The following GID4 variants were observed in gnomAD, a reference collection of about 807,000 sequenced individuals.
GID4 encodes glucose-induced degradation protein 4 homolog.
In GID4, 7 loss-of-function variants were observed where a neutral mutation model predicts 32.4. That is an observed-to-expected ratio of 0.22 (90% CI 0.12 to 0.41). The LOEUF is 0.41. GID4 is among the 10% of genes least tolerant of loss of function. The probability of loss-of-function intolerance (pLI) is 1.00; values close to 1 mark genes in which losing one functional copy is unlikely to be tolerated. For synonymous variants in GID4, 166 were observed against 170.0 expected (o/e 0.98, Z 0.18); for missense variants, 309 against 400.0 (o/e 0.77, Z 1.94).
intron 3 of GID4, among the ~76,000 whole-genome samples, chr17:18,057,950 A>G (rs1273102754): frequency 2.6e-5 from 4 of 151,828 alleles, no homozygotes; most frequent in African/African-American, 7.3e-5. Flanking sequence ...TCTCCTCCTC[A>G]GCCTCCCAAG....
chr17:18,049,623 C>A (rs777684569), intron 2 of GID4, among the ~76,000 whole-genome samples: 2 of 151,948 alleles, frequency 1.3e-5, no homozygotes, highest in Non-Finnish European at 2.9e-5. Flanking sequence ...CTCAAGTAGG[C>A]CCCATTGTCT....
At chr17:18,053,379 A>G (rs2044933368) in intron 2 of GID4, among the ~76,000 whole-genome samples, 1 of 151,240 alleles carries the variant, frequency 6.6e-6, no homozygotes, top group South Asian at 2.1e-4. Context: ...TTGGGAGGCC[A>G]AGGCGGGTGG....
At chr17:18,049,717 C>T (rs1311361897) in intron 2 of GID4, among the ~76,000 whole-genome samples, 1 of 152,084 alleles carries the variant, frequency 6.6e-6, no homozygotes, top group East Asian at 1.9e-4. Context: ...CTGCTCACTG[C>T]AACCTCTGCC....
chr17:18,046,462 G>T (rs1239780675), intron 2 of GID4, among the ~76,000 whole-genome samples: 3 of 152,032 alleles, frequency 2.0e-5, no homozygotes, highest in African/African-American at 7.3e-5. Flanking sequence ...TAATAAATTA[G>T]CCAGGCATGG....
At chr17:18,048,157 T>G (rs1206004084) in intron 2 of GID4, among the ~76,000 whole-genome samples, 2 of 151,762 alleles carry the variant, frequency 1.3e-5, no homozygotes, top group African/African-American at 4.8e-5. Context: ...TGTCTCGGCC[T>G]CCCATAGCGC....
chr17:18,040,410 T>G (rs1226823976), intron 1 of GID4, among the ~76,000 whole-genome samples: 1 of 152,026 alleles, frequency 6.6e-6, no homozygotes, highest in African/African-American at 2.4e-5. Flanking sequence ...GGGGTCTTCC[T>G]CCTCCTGAGA....
At position 18,045,205 on chromosome 17, in the gene GID4, A is replaced by C; in HGVS notation, c.497A>C (p.Glu166Ala). The change falls in exon 2 of 6, where the codon GAG becomes GCG. Residue 166 changes from glutamate (E) to alanine (A), a missense_variant and splice_region_variant. By Grantham distance (107) the Glu-to-Ala change is moderately radical. Coordinates refer to ENST00000268719, the MANE Select transcript of GID4 (RefSeq NM_024052.5). Reference sequence around the variant, plus strand: ...TACTTGAAGATTAAAGGCCTTACTGAGGTAAGCACTTGCTCACACAAACCA... The same window carrying C: ...TACTTGAAGATTAAAGGCCTTACTGCGGTAAGCACTTGCTCACACAAACCA... ...CGYLKIKGLTEEYPTLTTFFE... is the reference protein window; with the variant it reads ...CGYLKIKGLTAEYPTLTTFFE... 6.2e-7 allele frequency: 1 copy of C among 1,612,254 alleles called. No individual in the cohort carries two copies. Among genetic ancestry groups the C allele is most frequent in the Non-Finnish European group, 8.5e-7 (1 of 1,178,322 alleles).
intron 5 of GID4, among the ~76,000 whole-genome samples, chr17:18,062,783 A>G (rs1039512759): frequency 6.6e-6 from 1 of 152,208 alleles, no homozygotes; most frequent in Non-Finnish European, 1.5e-5. Context: ...TCCTTTTTAA[A>G]AATAACAGCT....
Position 18,039,503 on chromosome 17 carries a change from C to T in GID4, c.39C>T (p.Leu13=). Residue 13 remains leucine (L), a synonymous_variant, in exon 1 of 6, where the codon CTC becomes CTT. Coordinates refer to ENST00000268719, the MANE Select transcript of GID4 (RefSeq NM_024052.5). This position sits in a 1 kb window ranked among gnomAD's most constrained non-coding sequence, Gnocchi z 5.3. ...ARGQVGRGTQ[L]RTGRPCSQVP... ...GGCAAGTCGGGAGGGGGACCCAGCT[C>T]AGGACTGGGAGGCCCTGCTCGCAGG... 1 of 1,331,544 alleles carries T rather than the reference C, an allele frequency of 7.5e-7. No homozygotes were observed. Among genetic ancestry groups the T allele is most frequent in the South Asian group, 2.1e-5 (1 of 46,830 alleles). The allele number at this position is 1,331,544 out of a possible 1,614,324, so 82.5% of individuals were successfully genotyped here. A position where few individuals can be genotyped will look rare whatever the true frequency, so the allele number is the denominator to read the frequency against.
intron 3 of GID4, among the ~76,000 whole-genome samples, chr17:18,055,596 C>T (rs2044958744): frequency 6.6e-6 from 1 of 151,866 alleles, no homozygotes; most frequent in African/African-American, 2.4e-5. Flanking sequence ...TCAAGTAATC[C>T]TCCCACCTCC....
rs866947415 is a variant in GID4, at chr17:18,061,782, A to C, written c.709-63A>C. The C allele has an allele frequency of 6.5e-7, 1 of 1,546,822 alleles. No homozygotes were observed. The highest frequency in any genetic ancestry group is 1.7e-5 in the Admixed American group (1 of 59,810). ...TCCTTAGAACCCCCTGATGCTTAAC[A>C]GGGAGGCCCCGTGGGTGGTCAGAGA... On this transcript the variant is annotated intron_variant, in intron 4 of 5. Transcript: ENST00000268719. This position sits in a 1 kb window ranked among gnomAD's most constrained non-coding sequence, Gnocchi z 4.4.
chr17:18,059,537 C>A (rs2045000330), intron 4 of GID4, among the ~76,000 whole-genome samples: 1 of 152,138 alleles, frequency 6.6e-6, no homozygotes, highest in Non-Finnish European at 1.5e-5. Context: ...GAGAGCCCCA[C>A]CTGACTGACT....
In GID4 at chr17:18,045,196, G is replaced by C; in HGVS notation, c.488G>C (p.Gly163Ala). The C allele has an allele frequency of 6.2e-7, 1 of 1,613,330 alleles. No homozygotes were observed. Among genetic ancestry groups the C allele is most frequent in the Non-Finnish European group, 8.5e-7 (1 of 1,179,326 alleles). ...SYLCGYLKIK[G>A]LTEEYPTLTT... is the part of the protein sequence containing the mutation. Reference sequence around the variant, plus strand: ...CTTTGTGGGTACTTGAAGATTAAAGGCCTTACTGAGGTAAGCACTTGCTCA... The same window carrying C: ...CTTTGTGGGTACTTGAAGATTAAAGCCCTTACTGAGGTAAGCACTTGCTCA... The change falls in exon 2 of 6, where the codon GGC (glycine) becomes GCC (alanine). Residue 163 changes from glycine to alanine, a missense_variant. Gly to Ala is a moderately conservative substitution (Grantham distance 60, BLOSUM62 0). This residue lies in a region of GID4 where 116 missense variants were observed against 214.2 expected (regional missense o/e 0.54). Coordinates refer to ENST00000268719, the MANE Select transcript of GID4 (RefSeq NM_024052.5).
chr17:18,064,543 G>A (rs756882868), intron 5 of GID4, among the ~76,000 whole-genome samples: 35 of 152,116 alleles, frequency 2.3e-4, no homozygotes, highest in Non-Finnish European at 4.7e-4. Context: ...AAATGTGCCC[G>A]AGGTTGTCAT....
At chr17:18,058,541 A>G (rs939681874) in intron 3 of GID4, among the ~76,000 whole-genome samples, 2 of 152,184 alleles carry the variant, frequency 1.3e-5, no homozygotes, top group East Asian at 1.9e-4. Context: ...AGGTCTTCTC[A>G]TTAATTTTTC....
Position 18,045,221 on chromosome 17 carries a change from A to G in GID4, c.498+15A>G, listed in dbSNP as rs1355511362. The G allele has an allele frequency of 2.5e-6, 4 of 1,608,508 alleles. No individual in the cohort carries two copies. The highest frequency in any genetic ancestry group is 1.7e-5 in the Admixed American group (1 of 59,940). On this transcript the variant is annotated intron_variant, in intron 2 of 5. Transcript: ENST00000268719. ...GCCTTACTGAGGTAAGCACTTGCTC[A>G]CACAAACCAGCACTAGAAAGTCTGT...
Position 18,039,825 on chromosome 17 carries a change from C to T in GID4, c.361C>T (p.Leu121=), listed in dbSNP as rs2044770646. The change falls in exon 1 of 6, where the codon CTG becomes TTG. Residue 121 remains leucine (L), a synonymous_variant. Coordinates refer to ENST00000268719, the MANE Select transcript of GID4 (RefSeq NM_024052.5). This position sits in a 1 kb window ranked among gnomAD's most constrained non-coding sequence, Gnocchi z 5.3. ...NTQQPGVATS[L]LYSGSKFRGH... ...CCAGCAGCCCGGCGTGGCCACCAGCCTGCTCTACAGCGGCTCCAAGTTCCG... is the reference window on the plus strand; with the variant it reads ...CCAGCAGCCCGGCGTGGCCACCAGCTTGCTCTACAGCGGCTCCAAGTTCCG... 12 of 1,573,470 alleles carry T rather than the reference C, an allele frequency of 7.6e-6. No individual in the cohort carries two copies. The highest frequency in any genetic ancestry group is 1.4e-5 in the African/African-American group (1 of 71,508).
In GID4 at chr17:18,065,380, T is replaced by C. The variant is rs1176011342; in HGVS notation, c.*137T>C. 2 of 709,524 alleles carry C rather than the reference T, an allele frequency of 2.8e-6. No homozygotes were observed. Among genetic ancestry groups the C allele is most frequent in the Non-Finnish European group, 5.0e-6 (2 of 402,172 alleles). 44.0% of individuals were successfully genotyped at this position (709,524 alleles called of 1,614,324 possible). On this transcript the variant is annotated 3_prime_UTR_variant, in exon 6 of 6. Coordinates refer to ENST00000268719, the MANE Select transcript of GID4 (RefSeq NM_024052.5). ...GCAGACTCGCATCACAAAGCATGAA[T>C]GTTAACCCACAGAATCCAAGGAGCA...
intron 4 of GID4, among the ~76,000 whole-genome samples, chr17:18,060,103 A>AG (rs1567589017): frequency 1.4e-5 from 2 of 147,644 alleles, no homozygotes; most frequent in Admixed American, 6.8e-5. Context: ...AAAAAAAAAA[A>AG]AAAGAAATGG....
Sources: gnomAD v4.1 joint callset for allele counts (sites outside exome capture counted in the v4.1 genomes callset) on GRCh38, gnomAD v4.1.1 for gene constraint, gnomAD v4.1.1 regional missense constraint, Gnocchi (gnomAD v3.1) non-coding constraint, MANE v1.5 for transcripts, NCBI Gene and HGNC (gene_info 2026-07-23, HGNC 2026-07-21) for gene names.